Variants in CHD6 observed in about 807,000 individuals in gnomAD.
The protein encoded by CHD6 is chromodomain helicase DNA binding protein 6, also known as ATP-dependent chromatin remodeler CHD6.
CHD6 carries 50 observed loss-of-function variants against 276.9 expected under a neutral mutation model. That is an observed-to-expected ratio of 0.18 (90% CI 0.14 to 0.23). The LOEUF (loss-of-function observed/expected upper bound fraction) is 0.23. Ranked by LOEUF, CHD6 falls within the 10% of genes least tolerant of loss-of-function variation. The probability of loss-of-function intolerance (pLI) is 1.00; values close to 1 mark genes in which losing one functional copy is unlikely to be tolerated. For synonymous variants in CHD6, 1,173 were observed against 1,229.3 expected (o/e 0.95, Z 0.96); for missense variants, 2,564 against 3,365.8 (o/e 0.76, Z 5.89).
intron 8 of CHD6, among the ~76,000 whole-genome samples, chr20:41,496,562 C>G (rs929272000): frequency 6.6e-6 from 1 of 152,144 alleles, no homozygotes; most frequent in South Asian, 2.1e-4. Flanking sequence ...ATTTGTATCA[C>G]AAAAATATTT....
intron 17 of CHD6, among the ~76,000 whole-genome samples, chr20:41,470,160 T>C (rs760421490): frequency 5.3e-5 from 8 of 152,126 alleles, no homozygotes; most frequent in Non-Finnish European, 7.4e-5. Context: ...TCTTGCTCTC[T>C]TCCTCATCAC....
intron 2 of CHD6, among the ~76,000 whole-genome samples, chr20:41,542,565 C>T (rs527331337): frequency 6.6e-6 from 1 of 151,792 alleles, no homozygotes; most frequent in East Asian, 2.0e-4. Context: ...TGGTGGCGGG[C>T]GCCTGTAGTC....
intron 3 of CHD6, among the ~76,000 whole-genome samples, chr20:41,520,724 G>A (rs945820235): frequency 2.0e-5 from 3 of 151,780 alleles, no homozygotes; most frequent in African/African-American, 7.3e-5. Context: ...AATGTTAAAT[G>A]ACAAGTTAAT....
At chr20:41,595,986 C>A (rs1449296275) in intron 1 of CHD6, among the ~76,000 whole-genome samples, 1 of 152,132 alleles carries the variant, frequency 6.6e-6, no homozygotes, top group Non-Finnish European at 1.5e-5. Context: ...CCCCTGAAAA[C>A]AGAATCCCTA....
intron 1 of CHD6, 26 bp from the exon 2 acceptor site, chr20:41,551,386 A>G (rs781459836): frequency 9.3e-7 from 1 of 1,073,574 alleles, no homozygotes; most frequent in East Asian, 2.5e-5. Flanking sequence ...AAAAAGGCAA[A>G]GATTATGACA....
intron 1 of CHD6, among the ~76,000 whole-genome samples, chr20:41,555,629 A>T (rs1160603818): frequency 6.7e-6 from 1 of 149,770 alleles, no homozygotes; most frequent in East Asian, 2.0e-4. Context: ...GCGGCCGGGT[A>T]GAGGCACTCC....
At position 41,415,720 on chromosome 20, in the gene CHD6, C is replaced by T; in HGVS notation, c.6487-82G>A. 8 of 1,038,860 alleles carry T rather than the reference C, an allele frequency of 7.7e-6. No individual in the cohort carries two copies. The South Asian group carries it at 9.4e-5, about 12-fold the overall frequency. 64.4% of individuals were successfully genotyped at this position (1,038,860 alleles called of 1,614,324 possible). A position where few individuals can be genotyped will look rare whatever the true frequency, so the allele number is the denominator to read the frequency against. On this transcript the variant is annotated intron_variant, in intron 33 of 36. Coordinates refer to ENST00000373233, the MANE Select transcript of CHD6 (RefSeq NM_032221.5). ...AGCTCTTTCTCCAGGCCTGATTTCC[C>T]TAGGCCTCATATTGTTTCCAATCAT...
intron 29 of CHD6, 28 bp from the exon 30 acceptor site, chr20:41,423,728 G>T: frequency 6.4e-7 from 1 of 1,568,398 alleles, no homozygotes. Flanking sequence ...AAGGAAGAGT[G>T]AGCTCTTTCT....
At chr20:41,488,967 T>C (rs2043485183) in intron 12 of CHD6, among the ~76,000 whole-genome samples, 1 of 152,232 alleles carries the variant, frequency 6.6e-6, no homozygotes, top group African/African-American at 2.4e-5. Flanking sequence ...ATAGTTTGAA[T>C]GCCCAAAGGA....
intron 23 of CHD6, among the ~76,000 whole-genome samples, chr20:41,448,388 A>C (rs2048133703): frequency 6.6e-6 from 1 of 152,214 alleles, no homozygotes; most frequent in Non-Finnish European, 1.5e-5. Flanking sequence ...TAAATGAATA[A>C]AGGCAAGTGT....
chr20:41,548,570 G>C (rs1374232034), intron 2 of CHD6, among the ~76,000 whole-genome samples: 2 of 152,194 alleles, frequency 1.3e-5, no homozygotes, highest in African/African-American at 4.8e-5. Context: ...ATACCATGCA[G>C]GACATAGGCA....
At chr20:41,506,611 C>T (rs947011228) in intron 5 of CHD6, among the ~76,000 whole-genome samples, 1 of 152,136 alleles carries the variant, frequency 6.6e-6, no homozygotes, top group Non-Finnish European at 1.5e-5. Flanking sequence ...CACTTACTGC[C>T]ATTGATGTAC....
intron 27 of CHD6, among the ~76,000 whole-genome samples, chr20:41,434,813 C>G (rs1307069757): frequency 2.0e-5 from 3 of 152,130 alleles, no homozygotes; most frequent in African/African-American, 4.8e-5. Context: ...ACTGATGAAA[C>G]GACTAGACAG....
intron 1 of CHD6, among the ~76,000 whole-genome samples, chr20:41,563,543 C>T (rs576611309): frequency 6.6e-6 from 1 of 152,104 alleles, no homozygotes; most frequent in African/African-American, 2.4e-5. Context: ...GAGGCACATT[C>T]GCACAATTCA....
chr20:41,526,210 T>C (rs6124356), intron 3 of CHD6, among the ~76,000 whole-genome samples: 7,332 of 152,144 alleles, frequency 0.048, 490 homozygotes, highest in East Asian at 0.34. Context: ...GGTGGGTCTC[T>C]GACATTACCA....
At chr20:41,408,464 C>T (rs889139917) in intron 36 of CHD6, among the ~76,000 whole-genome samples, 34 of 152,162 alleles carry the variant, frequency 2.2e-4, no homozygotes, top group African/African-American at 6.3e-4. Flanking sequence ...CTTGATGGGT[C>T]GGGGCCAGGC....
At position 41,493,917 on chromosome 20, in the gene CHD6, A is replaced by G; in HGVS notation, c.1120T>C (p.Tyr374His). 6.2e-7 allele frequency: 1 copy of G among 1,613,950 alleles called. No homozygotes were observed. Among genetic ancestry groups the G allele is most frequent in the Non-Finnish European group, 8.5e-7 (1 of 1,179,892 alleles). The change falls in exon 9 of 37, where the codon TAT becomes CAT. Residue 374 changes from tyrosine to histidine, a missense_variant. Physicochemically the swap from Tyr to His is moderately conservative, Grantham distance 83. This residue lies in a region of CHD6 where 457 missense variants were observed against 889.0 expected (regional missense o/e 0.51). Transcript: ENST00000373233. ...TCCAAGATGCGATCAACTTCTACAT[A>G]GTCTGGATTGAACAAGTCTTCATCA... ...EPDEDLFNPDYVEVDRILEVA... is the reference protein window; with the variant it reads ...EPDEDLFNPDHVEVDRILEVA...
In CHD6 at chr20:41,484,434, C is replaced by A. The variant is rs777527158; in HGVS notation, c.2175G>T (p.Gly725=). ...GATTGGGCATGTTGTGCTGATTTGCCCCCTTGGTCAGGAAGGAAAAGTTCT... is the reference window on the plus strand; with the variant it reads ...GATTGGGCATGTTGTGCTGATTTGCACCCTTGGTCAGGAAGGAAAAGTTCT... ...LEKNFSFLTK[G]ANQHNMPNLI... Residue 725 remains glycine (G), a synonymous_variant, in exon 15 of 37, where the codon GGG becomes GGT. Transcript: ENST00000373233. The A allele has an allele frequency of 6.2e-7, 1 of 1,613,870 alleles. No homozygotes were observed. The highest frequency in any genetic ancestry group is 1.7e-5 in the Admixed American group (1 of 60,016).
At chr20:41,516,787 AAGC>A (rs1186080103) in intron 3 of CHD6, among the ~76,000 whole-genome samples, 1 of 152,136 alleles carries the variant, frequency 6.6e-6, no homozygotes, top group Non-Finnish European at 1.5e-5. Flanking sequence ...AGGGCCATGA[AAGC>A]AGGTCCAGGA....
Sources: allele counts gnomAD v4.1 joint callset (sites outside exome capture counted in the v4.1 genomes callset), GRCh38; gene constraint gnomAD v4.1.1; regional missense constraint gnomAD v4.1.1; transcripts MANE v1.5; gene names NCBI Gene and HGNC (gene_info 2026-07-23, HGNC 2026-07-21).